Variants in IL34 observed in about 807,000 individuals in gnomAD.
The protein encoded by IL34 is interleukin 34, also known as interleukin-34.
In IL34, 17 loss-of-function variants were observed where a neutral mutation model predicts 25.3. The ratio of observed to expected loss-of-function variants is 0.67; its 90% confidence interval spans 0.46 to 1.01. The LOEUF is 1.01. Ranked by LOEUF, IL34 falls within the 50% of genes least tolerant of loss-of-function variation. The probability of loss-of-function intolerance (pLI) is 0.00; values close to 1 mark genes in which losing one functional copy is unlikely to be tolerated. For missense variants in IL34, 368 were observed against 312.9 expected (o/e 1.18, Z -1.33); for synonymous variants, 174 against 140.9 (o/e 1.23, Z -1.66).
At chr16:70,585,681 T>C (rs982002988) in intron 1 of IL34, among the ~76,000 whole-genome samples, 1 of 149,938 alleles carries the variant, frequency 6.7e-6, no homozygotes, top group Admixed American at 6.7e-5. Flanking sequence ...AGAGGGAGAC[T>C]CTGTCTTAAA....
chr16:70,598,664 A>G (rs2050860403), intron 1 of IL34, among the ~76,000 whole-genome samples: 2 of 152,180 alleles, frequency 1.3e-5, no homozygotes, highest in Admixed American at 6.6e-5. Flanking sequence ...GCTTGAACCC[A>G]GGACACGGAG....
At chr16:70,636,585 TCACACACACACACACACACACACA>T (rs34816911) in intron 1 of IL34, among the ~76,000 whole-genome samples, 40 of 136,482 alleles carry the variant, frequency 2.9e-4, no homozygotes, top group Non-Finnish European at 5.1e-4. Context: ...GCAAACCCTG[TCACACACACACACACACACACACA>T]CACACACACA....
At chr16:70,591,498 G>A (rs1384738768) in intron 1 of IL34, among the ~76,000 whole-genome samples, 3 of 151,680 alleles carry the variant, frequency 2.0e-5, no homozygotes, top group Admixed American at 2.0e-4. Flanking sequence ...GAACCCAGGA[G>A]GTCGAGGCTT....
upstream of IL34, among the ~76,000 whole-genome samples, chr16:70,645,628 T>A (rs12924304): frequency 0.29 from 44,524 of 152,064 alleles, 6,767 homozygotes; most frequent in South Asian, 0.45. Flanking sequence ...GGGTTTGAAT[T>A]CCTGTCACAC....
chr16:70,626,670 C>G (rs898511970), intron 1 of IL34, among the ~76,000 whole-genome samples: 1 of 151,514 alleles, frequency 6.6e-6, no homozygotes, highest in Non-Finnish European at 1.5e-5. Context: ...TGCTGGGATT[C>G]CAGGTGTGAG....
At chr16:70,641,245 C>T (rs556967717) in intron 1 of IL34, among the ~76,000 whole-genome samples, 2 of 151,194 alleles carry the variant, frequency 1.3e-5, no homozygotes, top group African/African-American at 4.9e-5. Flanking sequence ...TGCACTCCAG[C>T]TTGGGCAACA....
In IL34 at chr16:70,654,622, C is replaced by T. The variant is rs773119312; in HGVS notation, c.113C>T (p.Thr38Met). Residue 38 changes from threonine (T) to methionine (M), a missense_variant, in exon 2 of 6, where the codon ACG becomes ATG. By Grantham distance (81) the Thr-to-Met change is moderately conservative. Transcript: ENST00000288098. ...PLTQNEECTV[T>M]GFLRDKLQYR... Reference sequence around the variant, plus strand: ...ACGCAGAATGAGGAGTGCACTGTCACGGGTTTTCTGCGGGACAAGCTGCAG... The same window carrying T: ...ACGCAGAATGAGGAGTGCACTGTCATGGGTTTTCTGCGGGACAAGCTGCAG... 1.2e-5 allele frequency: 20 copies of T among 1,613,184 alleles called. No individual in the cohort carries two copies. Among genetic ancestry groups the T allele is most frequent in the Non-Finnish European group, 1.4e-5 (16 of 1,179,424 alleles).
At chr16:70,608,701 G>T (rs569888886) in intron 1 of IL34, among the ~76,000 whole-genome samples, 2 of 152,368 alleles carry the variant, frequency 1.3e-5, no homozygotes, top group African/African-American at 4.8e-5. Flanking sequence ...CCGTGCAGGC[G>T]ACTGCTTCCC....
intron 1 of IL34, among the ~76,000 whole-genome samples, chr16:70,638,300 G>T (rs558981823): frequency 1.0e-3 from 159 of 152,212 alleles, no homozygotes; most frequent in Non-Finnish European, 1.9e-3. Flanking sequence ...AACTTAGCAA[G>T]ACCTTGTCTC....
chr16:70,643,887 T>G (rs2051844668), upstream of IL34, among the ~76,000 whole-genome samples: 1 of 152,192 alleles, frequency 6.6e-6, no homozygotes, highest in Non-Finnish European at 1.5e-5. Flanking sequence ...TACATGCTGG[T>G]GAAATGGCAT....
intron 1 of IL34, among the ~76,000 whole-genome samples, chr16:70,651,722 G>A (rs9931347): frequency 0.11 from 17,311 of 151,618 alleles, 2,047 homozygotes; most frequent in African/African-American, 0.28. Context: ...ATAGCTGGGG[G>A]TGGCTCAGGG....
At chr16:70,593,205 G>A (rs912495200) in intron 1 of IL34, among the ~76,000 whole-genome samples, 4 of 151,972 alleles carry the variant, frequency 2.6e-5, no homozygotes, top group African/African-American at 9.7e-5. Context: ...TTAGATACAA[G>A]GTCTTTATCA....
At chr16:70,608,639 G>A (rs924303608) in intron 1 of IL34, among the ~76,000 whole-genome samples, 6 of 152,182 alleles carry the variant, frequency 3.9e-5, no homozygotes, top group Non-Finnish European at 8.8e-5. Context: ...AGCCTCTGCC[G>A]CCAACTCTGA....
intron 1 of IL34, among the ~76,000 whole-genome samples, chr16:70,587,681 C>T (rs574126990): frequency 6.6e-6 from 1 of 152,002 alleles, no homozygotes; most frequent in South Asian, 2.1e-4. Context: ...GGGAAAAATA[C>T]ACAATCTGCC....
intron 1 of IL34, among the ~76,000 whole-genome samples, chr16:70,607,295 G>T (rs144152252): frequency 6.6e-6 from 1 of 152,028 alleles, no homozygotes; most frequent in Non-Finnish European, 1.5e-5. Context: ...TAGTAGAGAC[G>T]GGGTTTCACT....
intron 1 of IL34, among the ~76,000 whole-genome samples, chr16:70,614,455 T>G (rs912513508): frequency 6.6e-6 from 1 of 152,176 alleles, no homozygotes; most frequent in African/African-American, 2.4e-5. Flanking sequence ...TAACAGCCTC[T>G]CCAGGTGGTT....
chr16:70,605,969 G>GTT (rs77101515), intron 1 of IL34, among the ~76,000 whole-genome samples: 1,845 of 123,158 alleles, frequency 0.015, 44 homozygotes, highest in African/African-American at 0.054. Context: ...ACCGCACCTG[G>GTT]TTTTTTTTTT....
intron 1 of IL34, among the ~76,000 whole-genome samples, chr16:70,602,615 G>GTGTA (rs2050935619): frequency 6.6e-6 from 1 of 151,850 alleles, no homozygotes; most frequent in Non-Finnish European, 1.5e-5. Context: ...GTGTGTGTGT[G>GTGTA]TGTGTGTGTT....
At chr16:70,642,231 G>A (rs534178828), upstream of IL34, among the ~76,000 whole-genome samples, 1 of 151,912 alleles carries the variant, frequency 6.6e-6, no homozygotes, top group African/African-American at 2.4e-5. Context: ...GTGTGAGTAT[G>A]GGAAGAGACA....
Sources: allele counts gnomAD v4.1 joint callset (sites outside exome capture counted in the v4.1 genomes callset), GRCh38; gene constraint gnomAD v4.1.1; transcripts MANE v1.5; gene names NCBI Gene and HGNC (gene_info 2026-07-23, HGNC 2026-07-21).